The following LHX6 variants were observed in gnomAD, a reference collection of about 807,000 sequenced individuals.
LHX6 encodes LIM homeobox 6.
In LHX6, 15 loss-of-function variants were observed where a neutral mutation model predicts 47.1. The ratio of observed to expected loss-of-function variants is 0.32; its 90% CI spans 0.21 to 0.49. The LOEUF is 0.49. Among genes scored for constraint, LHX6 ranks in the 20% least tolerant of loss-of-function variants. The pLI is 0.99. For missense variants in LHX6, 404 were observed against 539.6 expected (o/e 0.75, Z 2.49); for synonymous variants, 242 against 233.5 (o/e 1.04, Z -0.33).
Position 122,226,851 on chromosome 9 carries a change from G to C in LHX6, c.336C>G (p.Leu112=). 6.4e-7 allele frequency: 1 copy of C among 1,564,264 alleles called. No homozygotes were observed. Residue 112 remains leucine, a synonymous_variant, in exon 3 of 10, where the codon CTC becomes CTG. Transcript: ENST00000394319. This position sits in a 1 kb window ranked among gnomAD's most constrained non-coding sequence, Gnocchi z 6.5. ...GCAACACCTACCCCTGTCTCACCTT[G>C]AGCAGATATCGGTCCAGGATCTCGA... ...CGLEILDRYL[L]KVNNLIWHVR... is the part of the protein sequence containing the mutation.
chr9:122,227,079 T>C (rs1438730367), intron 2 of LHX6, 49 bp from the exon 3 acceptor site: 8 of 1,436,978 alleles, frequency 5.6e-6, no homozygotes, highest in Non-Finnish European at 6.4e-6. Flanking sequence ...GCACCCAGAG[T>C]TGGGGCTGCC....
At chr9:122,212,336 A>C (rs1830428016) in intron 8 of LHX6, among the ~76,000 whole-genome samples, 1 of 152,144 alleles carries the variant, frequency 6.6e-6, no homozygotes, top group Non-Finnish European at 1.5e-5. Flanking sequence ...ACTAACTTAC[A>C]GTGGGCCCTT....
intron 9 of LHX6, among the ~76,000 whole-genome samples, chr9:122,205,028 A>G (rs1830119513): frequency 6.6e-6 from 1 of 152,162 alleles, no homozygotes; most frequent in Non-Finnish European, 1.5e-5. Context: ...ATTCAATGAG[A>G]TACAACAGCA....
chr9:122,214,515 G>T lies in LHX6; in HGVS notation c.683-132C>A. The T allele has an allele frequency of 7.8e-7, 1 of 1,279,922 alleles. No individual in the cohort carries two copies. Among genetic ancestry groups the T allele is most frequent in the South Asian group, 1.7e-5 (1 of 58,636 alleles). The allele number at this position is 1,279,922 out of a possible 1,614,324, so 79.3% of individuals were successfully genotyped here. On this transcript the variant is annotated intron_variant, in intron 5 of 9. Coordinates refer to ENST00000394319, the MANE Select transcript of LHX6 (RefSeq NM_014368.5). The surrounding 1 kb of genome is among the most constrained non-coding windows in gnomAD (Gnocchi z 4.6). ...GTTGGCTGGGAGCAGGGATCCCAGG[G>T]TCCTAGTCCCTGAGCTCAGTCTTTG...
At chr9:122,205,329 C>T (rs1322370496) in intron 9 of LHX6, among the ~76,000 whole-genome samples, 1 of 152,246 alleles carries the variant, frequency 6.6e-6, no homozygotes, top group Non-Finnish European at 1.5e-5. Context: ...GGGCCACGGG[C>T]TAAGCACTTC....
Position 122,226,566 on chromosome 9 carries a change from G to T in LHX6, c.340-69C>A, listed in dbSNP as rs928023215. On this transcript the variant is annotated intron_variant, in intron 3 of 9. Transcript: ENST00000394319. The surrounding 1 kb of genome is among the most constrained non-coding windows in gnomAD (Gnocchi z 6.5). ...TTTCACTCCGGGCCCCAGCCTTCCC[G>T]GTCTCATTTACAGTCAGAGGCGCTG... 1 of 1,569,400 alleles carries T rather than the reference G, an allele frequency of 6.4e-7. No individual in the cohort carries two copies. Among genetic ancestry groups the T allele is most frequent in the African/African-American group, 1.4e-5 (1 of 72,776 alleles).
chr9:122,221,832 T>G, intron 4 of LHX6: 1 of 471,350 alleles, frequency 2.1e-6, no homozygotes, highest in Non-Finnish European at 2.8e-6. Context: ...GTGGCTGATA[T>G]ATCTCACCTA....
intron 4 of LHX6, among the ~76,000 whole-genome samples, chr9:122,219,725 G>A (rs1830758315): frequency 6.6e-6 from 1 of 152,172 alleles, no homozygotes; most frequent in Admixed American, 6.5e-5. Context: ...GTTCAGAGCC[G>A]GCGAGTGATT....
chr9:122,205,359 A>G (rs1231790363), intron 9 of LHX6, among the ~76,000 whole-genome samples: 4 of 152,204 alleles, frequency 2.6e-5, no homozygotes, highest in Non-Finnish European at 5.9e-5. Flanking sequence ...TAATCTTCAC[A>G]TGCACGAAGC....
In LHX6 at chr9:122,214,458, G is replaced by A; in HGVS notation, c.683-75C>T. 3 of 1,431,930 alleles carry A rather than the reference G, an allele frequency of 2.1e-6. No individual in the cohort carries two copies. Among genetic ancestry groups the A allele is most frequent in the Non-Finnish European group, 2.7e-6 (3 of 1,097,194 alleles). The allele number at this position is 1,431,930 out of a possible 1,614,324, so 88.7% of individuals were successfully genotyped here. On this transcript the variant is annotated intron_variant, in intron 5 of 9. Transcript: ENST00000394319. The surrounding 1 kb of genome is among the most constrained non-coding windows in gnomAD (Gnocchi z 4.6). ...CAGCCTGGAAAGGACGGGGGTGGGG[G>A]GAGCTTGTCCCTGGAAGGGTCAGGA...
chr9:122,210,894 A>G (rs1830374816), intron 8 of LHX6, among the ~76,000 whole-genome samples: 1 of 152,022 alleles, frequency 6.6e-6, no homozygotes, highest in South Asian at 2.1e-4. Context: ...TATTTATTTG[A>G]TATTATCTGT....
intron 1 of LHX6, chr9:122,227,694 C>T (rs924809939): frequency 1.5e-5 from 15 of 1,017,458 alleles, no homozygotes; most frequent in African/African-American, 5.1e-5. Flanking sequence ...TCTCTCTCCC[C>T]CTCTCCCTGC....
intron 4 of LHX6, chr9:122,221,756 C>T (rs913676263): frequency 4.1e-6 from 4 of 985,018 alleles, no homozygotes; most frequent in Admixed American, 6.1e-5. Context: ...ACACAGCGGG[C>T]GTGCCAACCA....
intron 5 of LHX6, among the ~76,000 whole-genome samples, chr9:122,215,121 T>G (rs190228199): frequency 1.7e-3 from 262 of 152,316 alleles, no homozygotes; most frequent in Middle Eastern, 0.017. Context: ...CTCAGAAAAT[T>G]TCCATAAGCA....
At chr9:122,209,914 C>T (rs1352318636) in intron 8 of LHX6, among the ~76,000 whole-genome samples, 197 bp from the exon 9 acceptor site, 1 of 151,504 alleles carries the variant, frequency 6.6e-6, no homozygotes, top group Non-Finnish European at 1.5e-5. Flanking sequence ...CTCACCTTGT[C>T]GCCCAGGCTG....
At chr9:122,206,461 G>A (rs574106558) in intron 9 of LHX6, among the ~76,000 whole-genome samples, 100 of 152,312 alleles carry the variant, frequency 6.6e-4, no homozygotes, top group Admixed American at 1.4e-3. Context: ...GGAGCTGGCG[G>A]AAAGGCCTGA....
At position 122,226,110 on chromosome 9, in the gene LHX6, G is replaced by T. The variant is rs1460541429; in HGVS notation, c.461+266C>A. On this transcript the variant is annotated intron_variant, in intron 4 of 9. Coordinates refer to ENST00000394319, the MANE Select transcript of LHX6 (RefSeq NM_014368.5). This position sits in a 1 kb window ranked among gnomAD's most constrained non-coding sequence, Gnocchi z 6.5. The stretch of plus-strand genomic sequence containing the variant: ...AGCCTGAGACTTAGGCAGGACCCGA[G>T]ACAGAGCCAGAGACGATACCGAAAC... Among the ~76,000 whole-genome samples, 1 of 152,204 alleles carries T rather than the reference G, an allele frequency of 6.6e-6. No individual in the cohort carries two copies. The highest frequency in any genetic ancestry group is 1.5e-5 in the Non-Finnish European group (1 of 68,046).
At chr9:122,222,777 C>A (rs544471279) in intron 4 of LHX6, among the ~76,000 whole-genome samples, 24 of 152,338 alleles carry the variant, frequency 1.6e-4, no homozygotes, top group Non-Finnish European at 2.9e-4. Context: ...ACCTAGGTGA[C>A]CCTCTTCCCT....
In LHX6 at chr9:122,216,074, G is replaced by T. The variant is rs1250668550; in HGVS notation, c.682+994C>A. Among the ~76,000 whole-genome samples the T allele has an allele frequency of 2.0e-5, 3 of 152,160 alleles. No individual in the cohort carries two copies. The East Asian group carries it at 5.8e-4, about 29-fold the overall frequency. On this transcript the variant is annotated intron_variant, in intron 5 of 9. Coordinates refer to ENST00000394319, the MANE Select transcript of LHX6 (RefSeq NM_014368.5). ...GTGTGGTATGGTATGATATGGTATG[G>T]TATGGTAGTTAAGAGGCTGGGCTTT... is the stretch of plus-strand genomic sequence containing the variant.
Sources: gnomAD v4.1 joint callset for allele counts (sites outside exome capture counted in the v4.1 genomes callset) on GRCh38, gnomAD v4.1.1 for gene constraint, Gnocchi (gnomAD v3.1) non-coding constraint, MANE v1.5 for transcripts, NCBI Gene and HGNC (gene_info 2026-07-23, HGNC 2026-07-21) for gene names.